SFMBT2: variants seen among roughly 807,000 people sequenced by gnomAD.
SFMBT2 encodes Scm like with four mbt domains 2, also known as scm-like with four MBT domains protein 2.
SFMBT2 carries 38 observed loss-of-function variants against 110.1 expected under a neutral mutation model. The ratio of observed to expected loss-of-function variants is 0.35; its 90% CI spans 0.27 to 0.45. The LOEUF (loss-of-function observed/expected upper bound fraction) is 0.45, where lower values mean the gene tolerates loss of function less well. Among genes scored for constraint, SFMBT2 ranks in the 20% least tolerant of loss-of-function variants. SFMBT2 has a pLI of 1.00. For missense variants in SFMBT2, 1,011 were observed against 1,094.9 expected, an observed-to-expected ratio of 0.92 and a Z score of 1.08; for synonymous variants, 425 against 425.4, an observed-to-expected ratio of 1.00 and a Z score of 0.01.
In SFMBT2 at chr10:7,293,770, C is replaced by G. The variant is rs915308927; in HGVS notation, c.437-7816G>C. On this transcript the variant is annotated intron_variant, in intron 4 of 20. Coordinates refer to ENST00000397167, the MANE Select transcript of SFMBT2 (RefSeq NM_001387889.1). The surrounding 1 kb of genome is among the most constrained non-coding windows in gnomAD (Gnocchi z 4.6). ...CCAAGGCAGGTGATATAGGGTGACA[C>G]AGAGCTCTGCTTCCCAAGATATGTT... Among the ~76,000 whole-genome samples, 2 of 152,078 alleles carry G rather than the reference C, an allele frequency of 1.3e-5. No individual in the cohort carries two copies. Among genetic ancestry groups the G allele is most frequent in the Non-Finnish European group, 2.9e-5 (2 of 68,006 alleles).
chr10:7,213,590 G>A (rs528018580), intron 11 of SFMBT2, among the ~76,000 whole-genome samples: 3 of 152,360 alleles, frequency 2.0e-5, no homozygotes, highest in Admixed American at 6.5e-5. Flanking sequence ...GAGCAGAGAC[G>A]GGTTCTGACG....
At position 7,228,728 on chromosome 10, in the gene SFMBT2, TTTCTTTC is replaced by T. The variant is rs1564395296; in HGVS notation, c.1121-798_1121-792del. On this transcript the variant is annotated intron_variant, in intron 9 of 20. Coordinates refer to ENST00000397167, the MANE Select transcript of SFMBT2 (RefSeq NM_001387889.1). ...CTTTCTTTCTTTCTTTCTTTCTTTC[TTTCTTTC>T]CTTTCTCTCTCTCTCTCTCTCTCTC... is the stretch of plus-strand genomic sequence containing the variant. Among the ~76,000 whole-genome samples, 65 of 84,070 alleles carry T rather than the reference TTTCTTTC, an allele frequency of 7.7e-4. 1 individual carries two copies. The highest frequency in any genetic ancestry group is 3.8e-3 in the African/African-American group (61 of 16,024). The allele number at this position is 84,070 out of a possible 152,430, so 55.2% of individuals were successfully genotyped here. A position where few individuals can be genotyped will look rare whatever the true frequency, so the allele number is the denominator to read the frequency against.
intron 4 of SFMBT2, 66 bp from the exon 5 acceptor site, chr10:7,286,020 G>A (rs1420160980): frequency 3.9e-6 from 3 of 774,094 alleles, no homozygotes; most frequent in African/African-American, 1.7e-5. Context: ...CAGCAGCAAA[G>A]TATCCAATCA....
At position 7,163,394 on chromosome 10, in the gene SFMBT2, G is replaced by A. The variant is rs747054744; in HGVS notation, c.*376C>T. 14 of 189,356 alleles carry A rather than the reference G, an allele frequency of 7.4e-5. No homozygotes were observed. Among genetic ancestry groups the A allele is most frequent in the Non-Finnish European group, 1.5e-4 (14 of 91,882 alleles). 11.7% of individuals were successfully genotyped at this position (189,356 alleles called of 1,614,324 possible). ...ATTACAGGAAACACTACAGCATGGC[G>A]TGAGGTTTCTTCCTTGGCGACATTC... On this transcript the variant is annotated 3_prime_UTR_variant, in exon 21 of 21. Coordinates refer to ENST00000397167, the MANE Select transcript of SFMBT2 (RefSeq NM_001387889.1). The surrounding 1 kb of genome is among the most constrained non-coding windows in gnomAD (Gnocchi z 4.8).
At chr10:7,311,387 T>G (rs1270412825) in intron 4 of SFMBT2, among the ~76,000 whole-genome samples, 1 of 152,232 alleles carries the variant, frequency 6.6e-6, no homozygotes, top group Non-Finnish European at 1.5e-5. Flanking sequence ...ATTCTTCCAT[T>G]GACGGCGACT....
At chr10:7,392,802 A>C (rs1487410540) in intron 1 of SFMBT2, among the ~76,000 whole-genome samples, 1 of 151,562 alleles carries the variant, frequency 6.6e-6, no homozygotes, top group Non-Finnish European at 1.5e-5. Flanking sequence ...AAGATACCAG[A>C]AGTCTAACTT....
intron 4 of SFMBT2, among the ~76,000 whole-genome samples, chr10:7,312,917 T>G (rs1304450972): frequency 6.6e-6 from 1 of 152,152 alleles, no homozygotes; most frequent in Admixed American, 6.5e-5. Flanking sequence ...TTTCTGGGAT[T>G]GGGGATGCTT....
intron 7 of SFMBT2, among the ~76,000 whole-genome samples, chr10:7,266,151 A>G (rs1441114322): frequency 6.6e-6 from 1 of 151,650 alleles, no homozygotes. Context: ...GTGCAATAGC[A>G]TGATCTCAGC....
chr10:7,399,257 G>C (rs1846008463), intron 1 of SFMBT2, among the ~76,000 whole-genome samples: 1 of 151,954 alleles, frequency 6.6e-6, no homozygotes, highest in South Asian at 2.1e-4. Context: ...TTTTGAGACG[G>C]AGTCTCGCTC....
chr10:7,324,729 C>A (rs1843321551), intron 4 of SFMBT2, among the ~76,000 whole-genome samples: 1 of 152,166 alleles, frequency 6.6e-6, no homozygotes, highest in South Asian at 2.1e-4. Context: ...AGCCCCAGAT[C>A]AAGGGGGCAG....
intron 7 of SFMBT2, among the ~76,000 whole-genome samples, chr10:7,253,801 G>GA (rs1274370914): frequency 9.2e-6 from 1 of 108,590 alleles, no homozygotes; most frequent in East Asian, 2.8e-4. Flanking sequence ...TTCACTTTCT[G>GA]AAAATCACTT....
intron 4 of SFMBT2, among the ~76,000 whole-genome samples, chr10:7,303,323 AGTTG>A (rs1842605401): frequency 6.6e-6 from 1 of 152,260 alleles, no homozygotes; most frequent in Non-Finnish European, 1.5e-5. Context: ...TGAAATTTAT[AGTTG>A]TTTAACAAAA....
intron 1 of SFMBT2, among the ~76,000 whole-genome samples, chr10:7,384,455 T>C (rs1213469078): frequency 1.3e-5 from 2 of 148,418 alleles, no homozygotes; most frequent in Non-Finnish European, 3.0e-5. Flanking sequence ...TCGTTCATAA[T>C]GAAAATGAAA....
intron 7 of SFMBT2, among the ~76,000 whole-genome samples, chr10:7,269,580 A>G (rs1252555842): frequency 6.6e-6 from 1 of 152,238 alleles, no homozygotes. Context: ...AACAACACGC[A>G]TCTCAGATGA....
chr10:7,361,623 A>AT (rs1206135861), intron 4 of SFMBT2, among the ~76,000 whole-genome samples: 2 of 152,224 alleles, frequency 1.3e-5, no homozygotes, highest in Non-Finnish European at 2.9e-5. Flanking sequence ...ACTAATTTTG[A>AT]TTTAACTTTG....
At chr10:7,341,597 C>A (rs1373394469) in intron 4 of SFMBT2, among the ~76,000 whole-genome samples, 3 of 152,148 alleles carry the variant, frequency 2.0e-5, no homozygotes, top group African/African-American at 7.2e-5. Flanking sequence ...TTTGGCTCCA[C>A]GTTGTAGAAA....
In SFMBT2 at chr10:7,245,835, C is replaced by T. The variant is rs143058386; in HGVS notation, c.973-2130G>A. Among the ~76,000 whole-genome samples the T allele has an allele frequency of 2.8e-3, 431 of 152,260 alleles. 3 individuals are homozygous for T. The highest frequency in any genetic ancestry group is 9.8e-3 in the African/African-American group (408 of 41,540). ...CATCCTTGTCTGTTTGTTGTAACAT[C>T]GTTTACATATTTCTTCAACAGTTAT... On this transcript the variant is annotated intron_variant, in intron 8 of 20. Transcript: ENST00000397167.
At chr10:7,323,407 T>C (rs1409219227) in intron 4 of SFMBT2, among the ~76,000 whole-genome samples, 3 of 132,844 alleles carry the variant, frequency 2.3e-5, no homozygotes, top group Non-Finnish European at 4.6e-5. Flanking sequence ...GCCAAGATCA[T>C]GCCACTGCAC....
rs1238641566 is a variant in SFMBT2, at chr10:7,162,674, T to C, written c.*1096A>G. ...CTGAAACTAAGCTTTTCCTTTGATA[T>C]ATAATCCAACATTTGCCTAAAAGAC... On this transcript the variant is annotated 3_prime_UTR_variant, in exon 21 of 21. Coordinates refer to ENST00000397167, the MANE Select transcript of SFMBT2 (RefSeq NM_001387889.1). 6.6e-6 allele frequency: 1 copy of C among 152,278 alleles called. No individual in the cohort carries two copies. The highest frequency in any genetic ancestry group is 2.4e-5 in the African/African-American group (1 of 41,452). The allele number at this position is 152,278 out of a possible 1,614,324, so 9.4% of individuals were successfully genotyped here.
Sources: gnomAD v4.1 joint callset for allele counts (sites outside exome capture counted in the v4.1 genomes callset) on GRCh38, gnomAD v4.1.1 for gene constraint, Gnocchi (gnomAD v3.1) non-coding constraint, MANE v1.5 for transcripts, NCBI Gene and HGNC (gene_info 2026-07-23, HGNC 2026-07-21) for gene names.